Variants in PAQR5 observed in about 807,000 individuals in gnomAD.
PAQR5 encodes membrane progestin receptor gamma.
Under a neutral mutation model 34.5 loss-of-function variants are expected in PAQR5, and 20 were observed. The ratio of observed to expected loss-of-function variants is 0.58; its 90% CI spans 0.41 to 0.84. The LOEUF (loss-of-function observed/expected upper bound fraction) is 0.84. Ranked by LOEUF, PAQR5 falls within the 40% of genes least tolerant of loss-of-function variation. The pLI, the probability that PAQR5 is intolerant of heterozygous loss-of-function variation, is 0.00. For synonymous variants in PAQR5, 131 were observed against 155.6 expected, an observed-to-expected ratio of 0.84 and a Z score of 1.18; for missense variants, 378 against 412.7, an observed-to-expected ratio of 0.92 and a Z score of 0.73.
chr15:69,364,556 A>ATTATAT (rs1567022348), intron 3 of PAQR5, among the ~76,000 whole-genome samples: 1 of 131,550 alleles, frequency 7.6e-6, no homozygotes, highest in Non-Finnish European at 1.5e-5. Flanking sequence ...ATATATATAT[A>ATTATAT]ACGAGTTGTG....
chr15:69,379,979 C>G lies in PAQR5; in HGVS notation c.148C>G (p.Leu50Val), dbSNP rs778757583. 1.2e-6 allele frequency: 2 copies of G among 1,614,238 alleles called. No homozygotes were observed. The highest frequency in any genetic ancestry group is 1.7e-6 in the Non-Finnish European group (2 of 1,180,034). Reference protein sequence around the residue: ...LSLFQMTNETLNIWTHLLPFW... With the variant: ...LSLFQMTNETVNIWTHLLPFW... Reference sequence around the variant, plus strand: ...CCTTTTCCAAATGACCAATGAGACTCTCAACATTTGGACTCACTTGCTGCC... The same window carrying G: ...CCTTTTCCAAATGACCAATGAGACTGTCAACATTTGGACTCACTTGCTGCC... Residue 50 changes from leucine to valine, a missense_variant, in exon 4 of 9, where the codon CTC (leucine) becomes GTC (valine). By Grantham distance (32) the Leu-to-Val change is conservative. Transcript: ENST00000395407.
chr15:69,329,925 T>C (rs76727460), intron 1 of PAQR5, among the ~76,000 whole-genome samples: 3,322 of 152,316 alleles, frequency 0.022, 126 homozygotes, highest in South Asian at 0.16. Flanking sequence ...GTTTTGTAGC[T>C]AATAAAGTTT....
At chr15:69,395,454 AG>A (rs2140980109) in intron 6 of PAQR5, among the ~76,000 whole-genome samples, 1 of 152,342 alleles carries the variant, frequency 6.6e-6, no homozygotes, top group Non-Finnish European at 1.5e-5. Flanking sequence ...CATAGATACA[AG>A]GTGGGGATGG....
intron 2 of PAQR5, among the ~76,000 whole-genome samples, chr15:69,357,152 C>T (rs879931109): frequency 3.9e-5 from 6 of 152,054 alleles, no homozygotes; most frequent in Admixed American, 6.6e-5. Flanking sequence ...TTCCTGCAGC[C>T]TCCCTAGAAG....
chr15:69,343,837 C>G (rs1290979659), intron 2 of PAQR5, among the ~76,000 whole-genome samples: 4 of 152,124 alleles, frequency 2.6e-5, no homozygotes, highest in Non-Finnish European at 4.4e-5. Flanking sequence ...TACCTGAGAA[C>G]TAGAAGGAAC....
chr15:69,356,056 C>G (rs996384375), intron 2 of PAQR5, among the ~76,000 whole-genome samples: 1 of 152,186 alleles, frequency 6.6e-6, no homozygotes, highest in Admixed American at 6.5e-5. Context: ...CTTATTTTTG[C>G]ATGGCTAATA....
chr15:69,367,055 A>G (rs1186040890), intron 3 of PAQR5, among the ~76,000 whole-genome samples: 1 of 151,918 alleles, frequency 6.6e-6, no homozygotes, highest in Non-Finnish European at 1.5e-5. Context: ...ATCCTTCCCC[A>G]TGATTATATT....
chr15:69,382,557 A>G (rs1479558459), intron 4 of PAQR5, among the ~76,000 whole-genome samples: 5 of 149,962 alleles, frequency 3.3e-5, no homozygotes, highest in Admixed American at 6.6e-5. Flanking sequence ...AGACAGGAGA[A>G]TCACTTGAAC....
intron 1 of PAQR5, among the ~76,000 whole-genome samples, chr15:69,312,146 C>T (rs972906547): frequency 2.0e-5 from 3 of 151,848 alleles, no homozygotes; most frequent in African/African-American, 4.8e-5. Context: ...GGGAGGACAG[C>T]AATCAGAACT....
chr15:69,381,129 G>A (rs2055874403), intron 4 of PAQR5, among the ~76,000 whole-genome samples: 1 of 152,206 alleles, frequency 6.6e-6, no homozygotes, highest in Admixed American at 6.5e-5. Context: ...GCACAGCCCT[G>A]CTCCAGGGGC....
chr15:69,325,179 G>A (rs891500229), intron 1 of PAQR5, among the ~76,000 whole-genome samples: 6 of 152,124 alleles, frequency 3.9e-5, no homozygotes, highest in African/African-American at 7.2e-5. Flanking sequence ...GCTTACAGGC[G>A]TGAGCCACCG....
chr15:69,362,719 G>A (rs1227875440), intron 3 of PAQR5, among the ~76,000 whole-genome samples: 1 of 152,282 alleles, frequency 6.6e-6, no homozygotes, highest in African/African-American at 2.4e-5. Flanking sequence ...AATTAATAAT[G>A]TTGGTTGTCA....
intron 5 of PAQR5, among the ~76,000 whole-genome samples, chr15:69,387,397 C>T (rs538853636): frequency 2.9e-4 from 44 of 152,330 alleles, no homozygotes; most frequent in African/African-American, 1.0e-3. Context: ...TTAGAGGTTC[C>T]TGTGCAAGTT....
chr15:69,351,114 A>C (rs1000180101), intron 2 of PAQR5, among the ~76,000 whole-genome samples: 3 of 152,240 alleles, frequency 2.0e-5, no homozygotes, highest in African/African-American at 7.2e-5. Flanking sequence ...TTGCTTCCCT[A>C]ACCTGTGAAG....
intron 6 of PAQR5, 162 bp from the exon 7 acceptor site, chr15:69,397,306 G>C (rs747283163): frequency 1.4e-6 from 1 of 708,332 alleles, no homozygotes; most frequent in Non-Finnish European, 2.6e-6. Context: ...TGGGGTGGGA[G>C]GAATGGACGA....
At chr15:69,359,457 C>T (rs2055173940) in intron 2 of PAQR5, among the ~76,000 whole-genome samples, 1 of 151,990 alleles carries the variant, frequency 6.6e-6, no homozygotes, top group Non-Finnish European at 1.5e-5. Flanking sequence ...GGGCTCACAA[C>T]TCTAAGGGGG....
At chr15:69,352,477 A>G (rs991389423) in intron 2 of PAQR5, among the ~76,000 whole-genome samples, 1 of 152,226 alleles carries the variant, frequency 6.6e-6, no homozygotes, top group African/African-American at 2.4e-5. Context: ...ACAAATGCCC[A>G]TGGTTTCTAC....
At chr15:69,368,373 A>G (rs2055460685) in intron 3 of PAQR5, among the ~76,000 whole-genome samples, 1 of 152,166 alleles carries the variant, frequency 6.6e-6, no homozygotes, top group African/African-American at 2.4e-5. Flanking sequence ...TCTGGCCTAG[A>G]AGTAACATTA....
intron 2 of PAQR5, among the ~76,000 whole-genome samples, chr15:69,347,958 G>A (rs776502553): frequency 2.6e-5 from 4 of 152,172 alleles, no homozygotes; most frequent in Non-Finnish European, 4.4e-5. Context: ...TAGCACAGGA[G>A]CATAACCAAG....
Sources: allele counts gnomAD v4.1 joint callset (sites outside exome capture counted in the v4.1 genomes callset), GRCh38; gene constraint gnomAD v4.1.1; transcripts MANE v1.5; gene names NCBI Gene and HGNC (gene_info 2026-07-23, HGNC 2026-07-21).